CEP295: variants seen among roughly 807,000 people sequenced by gnomAD.
The protein encoded by CEP295 is centrosomal protein of 295 kDa.
Under a neutral mutation model 291.6 loss-of-function variants are expected in CEP295, and 190 were observed. The observed-to-expected ratio is 0.65, with a 90% CI of 0.58 to 0.73. The LOEUF (loss-of-function observed/expected upper bound fraction) is 0.73, where lower values mean the gene tolerates loss of function less well. Among genes scored for constraint, CEP295 ranks in the 30% least tolerant of loss-of-function variants. The probability of loss-of-function intolerance (pLI) is 0.00; values close to 1 mark genes in which losing one functional copy is unlikely to be tolerated. For synonymous variants in CEP295, 993 were observed against 1,038.8 expected (o/e 0.96, Z 0.85); for missense variants, 2,863 against 2,949.4 (o/e 0.97, Z 0.68).
intron 18 of CEP295, among the ~76,000 whole-genome samples, chr11:93,707,675 G>A (rs538118465): frequency 6.6e-6 from 1 of 152,058 alleles, no homozygotes; most frequent in South Asian, 2.1e-4. Flanking sequence ...CGTGAACCTG[G>A]GAGGTAGAGC....
chr11:93,700,141 A>G lies in CEP295; in HGVS notation c.5229A>G (p.Ile1743Met). 1 of 1,551,440 alleles carries G rather than the reference A, an allele frequency of 6.4e-7. No individual in the cohort carries two copies. Residue 1743 changes from isoleucine to methionine, a missense_variant, in exon 15 of 30, where the codon ATA becomes ATG. By Grantham distance (10) the Ile-to-Met change is conservative (BLOSUM62 1). This residue lies in a region of CEP295 where 2,295 missense variants were observed against 2,335.7 expected (regional missense o/e 0.98). Transcript: ENST00000325212. ...VQRQTALQQQ[I>M]QKHEETLKDF... ...GACAAACAGCATTGCAGCAGCAGAT[A>G]CAGAAACATGAAGAGACTTTGAAGG...
chr11:93,729,355 T>TG (rs1324037036), intron 25 of CEP295, 79 bp from the exon 26 acceptor site: 1 of 941,282 alleles, frequency 1.1e-6, no homozygotes, highest in African/African-American at 1.6e-5. Flanking sequence ...ATCATGCCGC[T>TG]GCACTCTAAT....
intron 7 of CEP295, among the ~76,000 whole-genome samples, chr11:93,683,026 T>C (rs1951050467): frequency 6.6e-6 from 1 of 152,212 alleles, no homozygotes; most frequent in Admixed American, 6.5e-5. Context: ...TTAGCCATAC[T>C]CTTTAAGCTT....
At position 93,698,794 on chromosome 11, in the gene CEP295, G is replaced by A. The variant is rs534190996; in HGVS notation, c.3882G>A (p.Gln1294=). ...EQTGSSSFIP[Q]LVQLSFTSLA... ...CTGGTTCATCTTCATTCATACCCCA[G>A]TTGGTACAGCTTTCATTTACTTCGT... The change falls in exon 15 of 30, where the codon CAG becomes CAA. Residue 1294 remains glutamine, a synonymous_variant. Transcript: ENST00000325212. 3 of 1,551,712 alleles carry A rather than the reference G, an allele frequency of 1.9e-6. No homozygotes were observed. The African/African-American group carries it at 4.1e-5, about 21-fold the overall frequency.
At chr11:93,726,753 C>T (rs1954175228) in intron 23 of CEP295, 1 of 403,186 alleles carries the variant, frequency 2.5e-6, no homozygotes, top group Non-Finnish European at 4.4e-6. Context: ...CCATATTGTC[C>T]TTATTAAATA....
intron 7 of CEP295, 88 bp downstream of exon 7, chr11:93,679,640 T>A (rs1950865630): frequency 5.3e-6 from 6 of 1,138,550 alleles, no homozygotes; most frequent in Middle Eastern, 2.1e-4. Flanking sequence ...CAAAGAAAGG[T>A]AGGAAGGGTG....
intron 25 of CEP295, 132 bp downstream of exon 25, chr11:93,728,953 C>A: frequency 2.8e-6 from 2 of 725,444 alleles, no homozygotes; most frequent in Non-Finnish European, 4.3e-6. Flanking sequence ...CCCCCACCAG[C>A]TCTCAATTTG....
Position 93,697,511 on chromosome 11 carries a change from G to T in CEP295, c.2599G>T (p.Ala867Ser), listed in dbSNP as rs1296023923. 6.4e-7 allele frequency: 1 copy of T among 1,551,848 alleles called. No individual in the cohort carries two copies. Among genetic ancestry groups the T allele is most frequent in the South Asian group, 1.2e-5 (1 of 84,060 alleles). ...QKKVLQATQE[A>S]QEQLLLCKQK... Reference sequence around the variant, plus strand: ...GAAAGTTCTTCAGGCAACTCAGGAAGCTCAGGAACAGTTGCTTTTGTGCAA... The same window carrying T: ...GAAAGTTCTTCAGGCAACTCAGGAATCTCAGGAACAGTTGCTTTTGTGCAA... The change falls in exon 15 of 30, where the codon GCT becomes TCT. Residue 867 changes from alanine (A) to serine (S), a missense_variant. Ala to Ser is a moderately conservative substitution (Grantham distance 99, BLOSUM62 1). Coordinates refer to ENST00000325212, the MANE Select transcript of CEP295 (RefSeq NM_033395.2).
At chr11:93,677,632 A>T (rs1435694035) in intron 6 of CEP295, among the ~76,000 whole-genome samples, 1 of 152,044 alleles carries the variant, frequency 6.6e-6, no homozygotes, top group African/African-American at 2.4e-5. Flanking sequence ...GTTACGTAGC[A>T]TTTTTTTCAA....
intron 19 of CEP295, 25 bp downstream of exon 19, chr11:93,721,437 C>T (rs1419884014): frequency 4.3e-6 from 6 of 1,383,304 alleles, no homozygotes; most frequent in Middle Eastern, 1.8e-4. Flanking sequence ...AATGTTCACT[C>T]GATTTTTAGA....
Position 93,696,705 on chromosome 11 carries a change from C to A in CEP295, c.1793C>A (p.Thr598Lys). The change falls in exon 15 of 30, where the codon ACA becomes AAA. Residue 598 changes from threonine to lysine, a missense_variant. Coordinates refer to ENST00000325212, the MANE Select transcript of CEP295 (RefSeq NM_033395.2). ...QNRLHRQSVE[T>K]ARKQLLEYQT... is the part of the protein sequence containing the mutation. ...AGGTTACACAGGCAGTCTGTTGAAACAGCCAGGAAACAATTACTTGAATAT... is the reference window on the plus strand; with the variant it reads ...AGGTTACACAGGCAGTCTGTTGAAAAAGCCAGGAAACAATTACTTGAATAT... 6.5e-7 allele frequency: 1 copy of A among 1,548,600 alleles called. No homozygotes were observed. Among genetic ancestry groups the A allele is most frequent in the East Asian group, 2.4e-5 (1 of 40,882 alleles).
intron 15 of CEP295, among the ~76,000 whole-genome samples, chr11:93,701,270 T>A (rs1342931435): frequency 6.6e-6 from 1 of 151,878 alleles, no homozygotes; most frequent in Non-Finnish European, 1.5e-5. Context: ...GAGGCTTAGG[T>A]GGGAGGATGA....
intron 9 of CEP295, among the ~76,000 whole-genome samples, chr11:93,685,762 G>A (rs569205270): frequency 1.3e-5 from 2 of 152,198 alleles, no homozygotes; most frequent in East Asian, 3.9e-4. Flanking sequence ...CCAGGCTGGA[G>A]TGCAGTGGCA....
At position 93,676,003 on chromosome 11, in the gene CEP295, G is replaced by A. The variant is rs1166448617; in HGVS notation, c.624+337G>A. On this transcript the variant is annotated intron_variant, in intron 6 of 29. Coordinates refer to ENST00000325212, the MANE Select transcript of CEP295 (RefSeq NM_033395.2). ...AAAACACCAATTCTGTCACCAAAGT[G>A]GAATATAGTTAATGTTTTAATAAAT... Among the ~76,000 whole-genome samples, 20 of 151,880 alleles carry A rather than the reference G, an allele frequency of 1.3e-4. No homozygotes were observed. In the South Asian group the frequency reaches 3.3e-3, roughly 25 times the overall value.
At chr11:93,690,988 C>T (rs1951517659) in intron 10 of CEP295, among the ~76,000 whole-genome samples, 1 of 152,152 alleles carries the variant, frequency 6.6e-6, no homozygotes, top group Non-Finnish European at 1.5e-5. Context: ...GCTTAAATGT[C>T]GTTTCCTCAG....
rs1311376976 is a variant in CEP295 at position 93,728,745 on chromosome 11, C to A, written c.7226C>A (p.Thr2409Asn). 7.7e-6 allele frequency: 12 copies of A among 1,549,912 alleles called. No individual in the cohort carries two copies. The highest frequency in any genetic ancestry group is 2.7e-5 in the African/African-American group (2 of 72,980). ...CTTACTTTAATAAGCACCACTGATA[C>A]CAGTATTGCTGAAATGGATTTTGCA... is the stretch of plus-strand genomic sequence containing the variant. ...PELTLISTTD[T>N]SIAEMDFANL... Residue 2409 changes from threonine (T) to asparagine (N), a missense_variant, in exon 25 of 30, where the codon ACC becomes AAC. Physicochemically the swap from Thr to Asn is moderately conservative, Grantham distance 65. This residue lies in a region of CEP295 where 2,295 missense variants were observed against 2,335.7 expected (regional missense o/e 0.98). Coordinates refer to ENST00000325212, the MANE Select transcript of CEP295 (RefSeq NM_033395.2).
chr11:93,726,246 T>A (rs1470605458), intron 23 of CEP295, among the ~76,000 whole-genome samples: 1 of 152,080 alleles, frequency 6.6e-6, no homozygotes, highest in Non-Finnish European at 1.5e-5. Context: ...TTCTCCTGCC[T>A]CACTCAGCCT....
intron 18 of CEP295, among the ~76,000 whole-genome samples, chr11:93,715,018 A>G (rs1953142635): frequency 6.6e-6 from 1 of 152,090 alleles, no homozygotes; most frequent in African/African-American, 2.4e-5. Flanking sequence ...TTGTTCATTC[A>G]AGGCCCTAGG....
At chr11:93,724,448 A>C (rs1010431841) in intron 22 of CEP295, 73 bp downstream of exon 22, 1 of 1,416,494 alleles carries the variant, frequency 7.1e-7, no homozygotes, top group African/African-American at 1.4e-5. Flanking sequence ...TACTGGAACA[A>C]AAGTTCTTCT....
Sources: gnomAD v4.1 joint callset for allele counts (sites outside exome capture counted in the v4.1 genomes callset) on GRCh38, gnomAD v4.1.1 for gene constraint, gnomAD v4.1.1 regional missense constraint, MANE v1.5 for transcripts, NCBI Gene and HGNC (gene_info 2026-07-23, HGNC 2026-07-21) for gene names.